HERC1: variants seen among roughly 807,000 people sequenced by gnomAD.
HERC1 encodes probable E3 ubiquitin-protein ligase HERC1.
Under a neutral mutation model 554.3 loss-of-function variants are expected in HERC1, and 160 were observed. The observed-to-expected ratio is 0.29, with a 90% CI of 0.25 to 0.33. The LOEUF (loss-of-function observed/expected upper bound fraction) is 0.33. HERC1 is among the 10% of genes least tolerant of loss of function. The pLI is 1.00. For missense variants in HERC1, 4,919 were observed against 5,918.5 expected (o/e 0.83, Z 5.54); for synonymous variants, 2,175 against 2,131.7 (o/e 1.02, Z -0.56).
At chr15:63,657,260 GTTTTTTTTTTT>G in intron 48 of HERC1, among the ~76,000 whole-genome samples, 1 of 124,804 alleles carries the variant, frequency 8.0e-6, no homozygotes, top group Non-Finnish European at 1.7e-5. Flanking sequence ...TTTGTCTTAG[GTTTTTTTTTTT>G]TTTTTTTTGA....
Position 63,622,809 on chromosome 15 carries a change from C to T in HERC1, c.13688+6G>A, listed in dbSNP as rs2068143305. 2 of 1,592,488 alleles carry T rather than the reference C, an allele frequency of 1.3e-6. No homozygotes were observed. The highest frequency in any genetic ancestry group is 1.7e-6 in the Non-Finnish European group (2 of 1,168,696). On this transcript the variant is annotated splice_donor_region_variant and intron_variant, in intron 74 of 77. Coordinates refer to ENST00000443617, the MANE Select transcript of HERC1 (RefSeq NM_003922.4). ...ACATATAATGAACACTTGCTGACTG[C>T]CATACCTGTCCCTATTGTAACCCAC... is the stretch of plus-strand genomic sequence containing the variant.
At chr15:63,686,624 A>G in intron 33 of HERC1, 89 bp from the exon 34 acceptor site, 1 of 1,053,780 alleles carries the variant, frequency 9.5e-7, no homozygotes, top group Admixed American at 2.3e-5. Context: ...TATCCTACAA[A>G]TATTTATTAT....
rs747355718 is a variant in HERC1 at position 63,753,072 on chromosome 15, A to G, written c.1788T>C (p.His596=). The G allele has an allele frequency of 1.3e-6, 2 of 1,599,290 alleles. No homozygotes were observed. The highest frequency in any genetic ancestry group is 1.7e-6 in the Non-Finnish European group (2 of 1,172,802). Residue 596 remains histidine, a synonymous_variant, in exon 8 of 78, where the codon CAT becomes CAC. Coordinates refer to ENST00000443617, the MANE Select transcript of HERC1 (RefSeq NM_003922.4). ...FGGGDNGKLG[H]GDTNRVYKPK... is the part of the protein sequence containing the mutation. ...GTTTATACACTCTGTTGGTATCACCATGACCAAGTTTACCTATAAAAACAA... is the reference window on the plus strand; with the variant it reads ...GTTTATACACTCTGTTGGTATCACCGTGACCAAGTTTACCTATAAAAACAA...
intron 24 of HERC1, among the ~76,000 whole-genome samples, chr15:63,711,551 T>C (rs982839198): frequency 6.6e-6 from 1 of 152,246 alleles, no homozygotes; most frequent in Non-Finnish European, 1.5e-5. Context: ...TTTCCTTAGA[T>C]GAGGAATCCT....
chr15:63,774,789 G>A lies in HERC1; in HGVS notation c.835C>T (p.His279Tyr). 3 of 1,613,936 alleles carry A rather than the reference G, an allele frequency of 1.9e-6. No homozygotes were observed. The highest frequency in any genetic ancestry group is 2.5e-6 in the Non-Finnish European group (3 of 1,179,864). ...EMALGASAVV[H>Y]TMEKGKLLSS... ...AGTAGTTTGCCTTTCTCCATGGTGT[G>A]TACAACTGCCGAAGCCCCCAAAGCC... Residue 279 changes from histidine to tyrosine, a missense_variant, in exon 2 of 78, where the codon CAC (histidine) becomes TAC (tyrosine). Coordinates refer to ENST00000443617, the MANE Select transcript of HERC1 (RefSeq NM_003922.4).
chr15:63,743,257 CTTTTTCTTTTTT>C (rs1320672658), intron 12 of HERC1, among the ~76,000 whole-genome samples: 3 of 89,364 alleles, frequency 3.4e-5, no homozygotes, highest in Non-Finnish European at 7.0e-5. Context: ...TTCTTTTTTT[CTTTTTCTTTTTT>C]TTTTTTTTTT....
Position 63,734,405 on chromosome 15 carries a change from A to T in HERC1, c.2646+319T>A, listed in dbSNP as rs1427917331. 6.6e-6 allele frequency among the ~76,000 whole-genome samples: 1 copy of T among 152,240 alleles called. No homozygotes were observed. Among genetic ancestry groups the T allele is most frequent in the East Asian group, 1.9e-4 (1 of 5,204 alleles). ...ACAAACGATTTCAGACAAAGTTCTC[A>T]GCATGGAACCAACAGTAGCACATAC... On this transcript the variant is annotated intron_variant, in intron 13 of 77. Transcript: ENST00000443617. The surrounding 1 kb of genome is among the most constrained non-coding windows in gnomAD (Gnocchi z 4.6).
chr15:63,629,364 C>T (rs901455130), intron 69 of HERC1, among the ~76,000 whole-genome samples: 10 of 152,176 alleles, frequency 6.6e-5, no homozygotes, highest in African/African-American at 2.2e-4. Flanking sequence ...GTCTTAATGA[C>T]TAAACACATC....
chr15:63,668,707 G>A (rs960011616), intron 40 of HERC1, among the ~76,000 whole-genome samples: 2 of 152,026 alleles, frequency 1.3e-5, no homozygotes, highest in Admixed American at 6.6e-5. Context: ...ATAACAGAAG[G>A]TCTATTCATT....
At chr15:63,776,289 G>A (rs182920162) in intron 1 of HERC1, among the ~76,000 whole-genome samples, 38 of 152,166 alleles carry the variant, frequency 2.5e-4, no homozygotes, top group African/African-American at 8.4e-4. Flanking sequence ...CCAAAACTGA[G>A]CTCCTATTCT....
intron 25 of HERC1, among the ~76,000 whole-genome samples, chr15:63,703,311 G>A (rs2072829939): frequency 1.3e-5 from 2 of 152,180 alleles, no homozygotes; most frequent in African/African-American, 4.8e-5. Context: ...GTGAATCTTA[G>A]TATCCCCACT....
In HERC1 at chr15:63,826,798, AAAAAAAAAAAAAAAAAATATATAT is replaced by A. The variant is rs1319374281; in HGVS notation, c.-27+7005_-27+7028del. ...CTTATCTCTGGTAAAAAAAAAAAAAAAAAAAAAAAAAAAAAAATATATATATATATATATATATATATATAAAGT... is the reference window on the plus strand; with the variant it reads ...CTTATCTCTGGTAAAAAAAAAAAAAAATATATATATATATATATATAAAGT... On this transcript the variant is annotated intron_variant, in intron 1 of 77. Coordinates refer to ENST00000443617, the MANE Select transcript of HERC1 (RefSeq NM_003922.4). 3.3e-4 allele frequency among the ~76,000 whole-genome samples: 16 copies of A among 48,146 alleles called. 1 individual carries two copies. The highest frequency in any genetic ancestry group is 1.2e-3 in the African/African-American group (13 of 10,670). 31.6% of individuals were successfully genotyped at this position (48,146 alleles called of 152,430 possible).
rs777182975 is a variant in HERC1 at position 63,678,266 on chromosome 15, T to C, written c.6649A>G (p.Ile2217Val). ...PVAAVLAEAT[I>V]QLIRILHRTD... is the part of the protein sequence containing the mutation. ...CGGTGAAGGATACGGATGAGCTGAA[T>C]AGTGGCCTCAGCCAGCACTGCTGCT... The change falls in exon 37 of 78, where the codon ATT (isoleucine) becomes GTT (valine). Residue 2217 changes from isoleucine (I) to valine (V), a missense_variant. Ile to Val is a conservative substitution (Grantham distance 29). Coordinates refer to ENST00000443617, the MANE Select transcript of HERC1 (RefSeq NM_003922.4). The C allele has an allele frequency of 3.7e-6, 6 of 1,613,702 alleles. No individual in the cohort carries two copies. Among genetic ancestry groups the C allele is most frequent in the East Asian group, 2.2e-5 (1 of 44,864 alleles).
chr15:63,758,398 T>G lies in HERC1; in HGVS notation c.1027-29A>C. The G allele has an allele frequency of 3.3e-6, 5 of 1,507,578 alleles. No homozygotes were observed. Among genetic ancestry groups the G allele is most frequent in the Non-Finnish European group, 4.5e-6 (5 of 1,100,876 alleles). 93.4% of individuals were successfully genotyped at this position (1,507,578 alleles called of 1,614,324 possible). On this transcript the variant is annotated intron_variant, in intron 3 of 77. Coordinates refer to ENST00000443617, the MANE Select transcript of HERC1 (RefSeq NM_003922.4). The surrounding 1 kb of genome is among the most constrained non-coding windows in gnomAD (Gnocchi z 4.0). ...TTAAAAATTTAAAATATGCAACAAA[T>G]AGTCAAGACAGTTTTAGTCTGGGCA... is the stretch of plus-strand genomic sequence containing the variant.
intron 25 of HERC1, among the ~76,000 whole-genome samples, chr15:63,706,046 A>G (rs1261686616): frequency 6.6e-6 from 1 of 151,048 alleles, no homozygotes; most frequent in East Asian, 1.9e-4. Context: ...AAAAAAAAAA[A>G]AAAAAAGCAG....
chr15:63,697,604 A>G (rs1381042509), intron 26 of HERC1, among the ~76,000 whole-genome samples: 1 of 151,778 alleles, frequency 6.6e-6, no homozygotes, highest in Non-Finnish European at 1.5e-5. Flanking sequence ...ACAGGCATCC[A>G]CCACCACGCC....
At chr15:63,649,284 C>G (rs551540019) in intron 54 of HERC1, among the ~76,000 whole-genome samples, 51 of 152,250 alleles carry the variant, frequency 3.3e-4, no homozygotes, top group African/African-American at 1.2e-3. Context: ...ACCAGGGAGT[C>G]AGAGGTTGCA....
chr15:63,632,580 A>C, intron 68 of HERC1, 129 bp downstream of exon 68: 2 of 707,098 alleles, frequency 2.8e-6, no homozygotes, highest in Non-Finnish European at 5.1e-6. Flanking sequence ...CTATACTGAA[A>C]GGAGGTCATA....
chr15:63,734,197 T>C lies in HERC1; in HGVS notation c.2646+527A>G, dbSNP rs991024554. Among the ~76,000 whole-genome samples the C allele has an allele frequency of 2.6e-5, 4 of 152,062 alleles. No homozygotes were observed. The highest frequency in any genetic ancestry group is 4.4e-5 in the Non-Finnish European group (3 of 68,010). On this transcript the variant is annotated intron_variant, in intron 13 of 77. Coordinates refer to ENST00000443617, the MANE Select transcript of HERC1 (RefSeq NM_003922.4). This position sits in a 1 kb window ranked among gnomAD's most constrained non-coding sequence, Gnocchi z 4.6. ...AAAGATTTAAAAAGAAAGAAAAGTATCAGTAAATATTACACTGCAAATAAG... is the reference window on the plus strand; with the variant it reads ...AAAGATTTAAAAAGAAAGAAAAGTACCAGTAAATATTACACTGCAAATAAG...
Sources: gnomAD v4.1 joint callset for allele counts (sites outside exome capture counted in the v4.1 genomes callset) on GRCh38, gnomAD v4.1.1 for gene constraint, Gnocchi (gnomAD v3.1) non-coding constraint, MANE v1.5 for transcripts, NCBI Gene and HGNC (gene_info 2026-07-23, HGNC 2026-07-21) for gene names.